Variants in QTMAN observed in about 807,000 individuals in gnomAD.
QTMAN encodes tRNA-queuosine alpha-mannosyltransferase.
the QTMAN span, among the ~76,000 whole-genome samples, chr2:144,000,498 T>C: frequency 6.6e-6 from 1 of 152,020 alleles, no homozygotes; most frequent in Non-Finnish European, 1.5e-5. Flanking sequence ...TCATGTGAGC[T>C]TTGACTAATT....
At chr2:144,009,593 C>T in the QTMAN span, among the ~76,000 whole-genome samples, 13 of 151,974 alleles carry the variant, frequency 8.6e-5, no homozygotes, top group South Asian at 8.3e-4. Context: ...TAAGAACTCC[C>T]CAAGTAATAA....
At chr2:144,091,163 TAAA>T in the QTMAN span, among the ~76,000 whole-genome samples, 1 of 148,798 alleles carries the variant, frequency 6.7e-6, no homozygotes, top group East Asian at 1.9e-4. Context: ...ATCTATATGT[TAAA>T]AAAAAAAATT....
the QTMAN span, among the ~76,000 whole-genome samples, chr2:144,198,331 G>A: frequency 8.5e-5 from 13 of 152,138 alleles, no homozygotes; most frequent in Non-Finnish European, 1.9e-4. Flanking sequence ...AAGTGATGAT[G>A]TAATATAGGC....
At chr2:143,993,600 A>G in the QTMAN span, among the ~76,000 whole-genome samples, 2 of 152,174 alleles carry the variant, frequency 1.3e-5, no homozygotes, top group African/African-American at 4.8e-5. Flanking sequence ...TGCAGTCACA[A>G]ACTGCAGATT....
At chr2:144,308,924 T>C in the QTMAN span, among the ~76,000 whole-genome samples, 1 of 152,226 alleles carries the variant, frequency 6.6e-6, no homozygotes, top group African/African-American at 2.4e-5. Context: ...TGTAACTGAA[T>C]GACAAGAAAC....
the QTMAN span, among the ~76,000 whole-genome samples, chr2:144,160,768 C>T: frequency 6.6e-6 from 1 of 152,116 alleles, no homozygotes; most frequent in African/African-American, 2.4e-5. Context: ...GTCTTTCTAT[C>T]TGTGATGGAC....
At chr2:144,153,098 G>A in the QTMAN span, among the ~76,000 whole-genome samples, 2 of 152,146 alleles carry the variant, frequency 1.3e-5, no homozygotes, top group Non-Finnish European at 2.9e-5. Context: ...CTAGCAGTTA[G>A]CGTTTGGAAA....
chr2:144,111,299 G>T, the QTMAN span, among the ~76,000 whole-genome samples: 3 of 152,092 alleles, frequency 2.0e-5, no homozygotes, highest in South Asian at 6.2e-4. Flanking sequence ...CCTAACTGCT[G>T]TTTCTTCCCC....
the QTMAN span, among the ~76,000 whole-genome samples, chr2:144,071,518 A>G: frequency 6.6e-6 from 1 of 152,172 alleles, no homozygotes; most frequent in Non-Finnish European, 1.5e-5. Context: ...CTTTTCATGT[A>G]GTTTACTGAT....
At chr2:144,130,073 C>T in the QTMAN span, among the ~76,000 whole-genome samples, 1 of 141,466 alleles carries the variant, frequency 7.1e-6, no homozygotes, top group Non-Finnish European at 1.5e-5. Flanking sequence ...TCTCATGATA[C>T]AGGGCTGACT....
At chr2:144,200,371 C>A in the QTMAN span, among the ~76,000 whole-genome samples, 1 of 152,250 alleles carries the variant, frequency 6.6e-6, no homozygotes, top group South Asian at 2.1e-4. Flanking sequence ...AACTAAAAAG[C>A]CTTAAAATAC....
the QTMAN span, among the ~76,000 whole-genome samples, chr2:144,000,196 T>C: frequency 3.3e-5 from 5 of 152,096 alleles, no homozygotes; most frequent in Admixed American, 1.3e-4. Flanking sequence ...ATTAATCTAA[T>C]AGTGCTATGT....
chr2:144,045,258 G>GA, the QTMAN span, among the ~76,000 whole-genome samples: 1 of 152,166 alleles, frequency 6.6e-6, no homozygotes, highest in Non-Finnish European at 1.5e-5. Context: ...GGCATTTCAG[G>GA]AAAAATAGAA....
At chr2:144,110,688 CAA>C in the QTMAN span, among the ~76,000 whole-genome samples, 8,149 of 132,718 alleles carry the variant, frequency 0.061, 674 homozygotes, top group African/African-American at 0.17. Flanking sequence ...GACCCCCCCC[CAA>C]AAAAAAAAAA....
At chr2:144,147,320 A>T in the QTMAN span, among the ~76,000 whole-genome samples, 1 of 151,492 alleles carries the variant, frequency 6.6e-6, no homozygotes, top group African/African-American at 2.4e-5. Context: ...GTCTGTCTAT[A>T]CCCAAATAAA....
chr2:144,305,434 T>C, the QTMAN span, among the ~76,000 whole-genome samples: 8 of 152,130 alleles, frequency 5.3e-5, no homozygotes, highest in African/African-American at 1.9e-4. Flanking sequence ...AATTCTGGGC[T>C]TTCAATTATA....
At chr2:144,277,579 A>G in the QTMAN span, among the ~76,000 whole-genome samples, 1 of 152,216 alleles carries the variant, frequency 6.6e-6, no homozygotes, top group Admixed American at 6.5e-5. Flanking sequence ...AAATTTATAT[A>G]CTATAAGCTA....
chr2:144,052,814 A>G, the QTMAN span, among the ~76,000 whole-genome samples: 1 of 152,034 alleles, frequency 6.6e-6, no homozygotes, highest in African/African-American at 2.4e-5. Context: ...ACCACACCCG[A>G]CTAATTTTAT....
chr2:144,142,208 C>G, the QTMAN span, among the ~76,000 whole-genome samples: 1 of 151,882 alleles, frequency 6.6e-6, no homozygotes, highest in Non-Finnish European at 1.5e-5. Flanking sequence ...ACCAAAATGT[C>G]TCTAAGAGCT....
Sources: allele counts gnomAD v4.1 joint callset (sites outside exome capture counted in the v4.1 genomes callset), GRCh38; gene constraint gnomAD v4.1.1; transcripts MANE v1.5; gene names NCBI Gene and HGNC (gene_info 2026-07-23, HGNC 2026-07-21).